The following GRIK2 variants were observed in gnomAD, a reference collection of about 807,000 sequenced individuals.
GRIK2 encodes glutamate ionotropic receptor kainate type subunit 2.
GRIK2 carries 32 observed loss-of-function variants against 100.3 expected under a neutral mutation model. That is an observed-to-expected ratio of 0.32 (90% CI 0.24 to 0.43). The LOEUF (loss-of-function observed/expected upper bound fraction) is 0.43. Among genes scored for constraint, GRIK2 ranks in the 20% least tolerant of loss-of-function variants. The probability of loss-of-function intolerance (pLI) is 1.00; values close to 1 mark genes in which losing one functional copy is unlikely to be tolerated. For synonymous variants in GRIK2, 417 were observed against 389.4 expected (o/e 1.07, Z -0.83); for missense variants, 843 against 1,114.9 (o/e 0.76, Z 3.47).
At chr6:101,679,945 G>C (rs1392286359) in intron 5 of GRIK2, among the ~76,000 whole-genome samples, 1 of 152,062 alleles carries the variant, frequency 6.6e-6, no homozygotes, top group Non-Finnish European at 1.5e-5. Flanking sequence ...TCACCATCTT[G>C]GCCAGGCTGG....
chr6:101,472,176 T>C (rs1436877144), intron 2 of GRIK2, among the ~76,000 whole-genome samples: 4 of 152,014 alleles, frequency 2.6e-5, no homozygotes, highest in Admixed American at 2.6e-4. Context: ...ATGGCATGCT[T>C]GTGATTGAAG....
chr6:101,648,222 A>G (rs1781621161), intron 4 of GRIK2, among the ~76,000 whole-genome samples: 1 of 152,038 alleles, frequency 6.6e-6, no homozygotes, highest in South Asian at 2.1e-4. Flanking sequence ...CTATAAATAG[A>G]CTCAGTACAA....
At chr6:101,464,318 G>T (rs1025807984) in intron 2 of GRIK2, among the ~76,000 whole-genome samples, 6 of 152,040 alleles carry the variant, frequency 3.9e-5, no homozygotes, top group Non-Finnish European at 5.9e-5. Context: ...CAGCAGAGGT[G>T]CATGAAGCAG....
chr6:102,011,465 T>C (rs1795527501), intron 14 of GRIK2, among the ~76,000 whole-genome samples: 1 of 152,146 alleles, frequency 6.6e-6, no homozygotes, highest in South Asian at 2.1e-4. Context: ...AATATTTTTT[T>C]CCCAGTCTGT....
At chr6:102,041,743 CA>C (rs1454144432) in intron 15 of GRIK2, among the ~76,000 whole-genome samples, 3 of 150,864 alleles carry the variant, frequency 2.0e-5, no homozygotes, top group Non-Finnish European at 4.4e-5. Context: ...GAATAGGTAG[CA>C]TAAAGAATTT....
intron 14 of GRIK2, among the ~76,000 whole-genome samples, chr6:101,955,612 CT>C (rs1791879829): frequency 3.0e-5 from 4 of 132,102 alleles, no homozygotes; most frequent in African/African-American, 1.1e-4. Context: ...CTCTCTCTCT[CT>C]CTCCCCCCCA....
chr6:101,866,908 G>GTA (rs1262136364), intron 11 of GRIK2, among the ~76,000 whole-genome samples: 1 of 151,632 alleles, frequency 6.6e-6, no homozygotes, highest in Admixed American at 6.6e-5. Flanking sequence ...CATTGTGTGT[G>GTA]TGTGTGTGTG....
Position 101,683,732 on chromosome 6 carries a change from G to T in GRIK2, c.777+1126G>T, listed in dbSNP as rs73761398. On this transcript the variant is annotated intron_variant, in intron 6 of 16. Coordinates refer to ENST00000369134, the MANE Select transcript of GRIK2 (RefSeq NM_021956.5). ...TAATATTTATGAATTACTGTATACT[G>T]TAAAACACTTTTAATTGTTGTGCCA... Among the ~76,000 whole-genome samples, 1,302 of 152,246 alleles carry T rather than the reference G, an allele frequency of 8.6e-3. 13 individuals carry two copies. The highest frequency in any genetic ancestry group is 0.029 in the African/African-American group (1,218 of 41,548).
At chr6:101,777,363 C>T (rs1054859539) in intron 7 of GRIK2, among the ~76,000 whole-genome samples, 7 of 152,078 alleles carry the variant, frequency 4.6e-5, no homozygotes, top group South Asian at 4.1e-4. Context: ...GAGGGGTGGG[C>T]GATTGTCTGT....
intron 12 of GRIK2, among the ~76,000 whole-genome samples, chr6:101,897,862 G>A (rs1582483904): frequency 6.6e-6 from 1 of 151,720 alleles, no homozygotes; most frequent in Admixed American, 6.6e-5. Flanking sequence ...TGCCAAACAT[G>A]ACACTTAAAT....
chr6:101,749,042 G>A (rs1281585184), intron 7 of GRIK2, among the ~76,000 whole-genome samples: 3 of 152,076 alleles, frequency 2.0e-5, no homozygotes, highest in African/African-American at 7.2e-5. Context: ...TAAGCACCTG[G>A]AATAAGAAAA....
At chr6:101,399,717 G>A (rs1411609120) in intron 2 of GRIK2, among the ~76,000 whole-genome samples, 1 of 152,174 alleles carries the variant, frequency 6.6e-6, no homozygotes, top group Non-Finnish European at 1.5e-5. Context: ...GGCGCCCTGC[G>A]AGCTTGGAGG....
In GRIK2 at chr6:101,411,460, A is replaced by T. The variant is rs1239001316; in HGVS notation, c.115+12068A>T. On this transcript the variant is annotated intron_variant, in intron 2 of 16. Coordinates refer to ENST00000369134, the MANE Select transcript of GRIK2 (RefSeq NM_021956.5). The stretch of plus-strand genomic sequence containing the variant: ...TAGCATGTTACAAGTGCATAACTGC[A>T]TAGTTCTATGTGGTGGTTCTTAGTC... Among the ~76,000 whole-genome samples the T allele has an allele frequency of 2.0e-5, 3 of 152,122 alleles. No individual in the cohort carries two copies. The East Asian group carries it at 5.8e-4, about 29-fold the overall frequency.
At chr6:101,869,731 G>A (rs542415859) in intron 11 of GRIK2, among the ~76,000 whole-genome samples, 2 of 151,978 alleles carry the variant, frequency 1.3e-5, no homozygotes, top group African/African-American at 4.8e-5. Context: ...TCAGCAAGGA[G>A]ACAGGAGTGG....
chr6:102,023,427 G>A (rs948540205), intron 14 of GRIK2, among the ~76,000 whole-genome samples: 1 of 151,408 alleles, frequency 6.6e-6, no homozygotes, highest in East Asian at 1.9e-4. Flanking sequence ...TGAAGGATTC[G>A]CTGTGGCTTG....
intron 9 of GRIK2, among the ~76,000 whole-genome samples, chr6:101,805,392 C>A (rs1448767477): frequency 6.6e-6 from 1 of 151,106 alleles, no homozygotes; most frequent in African/African-American, 2.4e-5. Context: ...TCTAAAAGAA[C>A]CCGGAAGTAC....
At chr6:101,690,886 T>C (rs2128346685) in intron 7 of GRIK2, among the ~76,000 whole-genome samples, 1 of 152,332 alleles carries the variant, frequency 6.6e-6, no homozygotes, top group South Asian at 2.1e-4. Flanking sequence ...ATGTGCTGAG[T>C]CCTCCAGATA....
intron 2 of GRIK2, among the ~76,000 whole-genome samples, chr6:101,571,008 T>G (rs1777498938): frequency 1.3e-5 from 2 of 152,184 alleles, no homozygotes; most frequent in African/African-American, 4.8e-5. Context: ...AAAGGATAGT[T>G]CTTGTGATTT....
At chr6:101,770,566 G>C (rs1448438758) in intron 7 of GRIK2, among the ~76,000 whole-genome samples, 2 of 152,210 alleles carry the variant, frequency 1.3e-5, no homozygotes, top group African/African-American at 4.8e-5. Context: ...TAAATGTCAA[G>C]AGTTAACTGA....
Sources: allele counts gnomAD v4.1 joint callset (sites outside exome capture counted in the v4.1 genomes callset), GRCh38; gene constraint gnomAD v4.1.1; transcripts MANE v1.5; gene names NCBI Gene and HGNC (gene_info 2026-07-23, HGNC 2026-07-21).